Variants in GRIK2 observed in about 807,000 individuals in gnomAD.
GRIK2 encodes glutamate ionotropic receptor kainate type subunit 2, also known as glutamate receptor ionotropic, kainate 2.
GRIK2 carries 32 observed loss-of-function variants against 100.3 expected under a neutral mutation model. That is an observed-to-expected ratio of 0.32 (90% CI 0.24 to 0.43). The LOEUF is 0.43. GRIK2 is among the 20% of genes least tolerant of loss of function. The pLI, the probability that GRIK2 is intolerant of heterozygous loss-of-function variation, is 1.00. For missense variants in GRIK2, 843 were observed against 1,114.9 expected (o/e 0.76, Z 3.47); for synonymous variants, 417 against 389.4 (o/e 1.07, Z -0.83).
At chr6:101,711,898 T>C (rs1003152582) in intron 7 of GRIK2, among the ~76,000 whole-genome samples, 10 of 151,834 alleles carry the variant, frequency 6.6e-5, no homozygotes, top group Admixed American at 2.6e-4. Flanking sequence ...TGTGGCATTA[T>C]ACGTGACATT....
intron 2 of GRIK2, among the ~76,000 whole-genome samples, chr6:101,493,346 A>T (rs889793975): frequency 1.3e-5 from 2 of 152,000 alleles, no homozygotes; most frequent in African/African-American, 4.8e-5. Flanking sequence ...TGACAAAAAA[A>T]TTTTAGGAGC....
chr6:101,520,527 A>G (rs1302948046), intron 2 of GRIK2, among the ~76,000 whole-genome samples: 1 of 152,084 alleles, frequency 6.6e-6, no homozygotes, highest in East Asian at 1.9e-4. Flanking sequence ...AAGACATATA[A>G]GGAATAGAGA....
chr6:101,958,253 T>TTG (rs1554292720), intron 14 of GRIK2, among the ~76,000 whole-genome samples: 28 of 139,538 alleles, frequency 2.0e-4, no homozygotes, highest in African/African-American at 3.1e-4. Flanking sequence ...TGCTACATAT[T>TTG]TGTGTGTGTG....
intron 11 of GRIK2, among the ~76,000 whole-genome samples, chr6:101,875,687 G>A (rs1351461901): frequency 6.6e-6 from 1 of 151,496 alleles, no homozygotes; most frequent in Non-Finnish European, 1.5e-5. Flanking sequence ...TCCATTAATT[G>A]GAAGTTATAA....
intron 14 of GRIK2, among the ~76,000 whole-genome samples, chr6:101,981,099 C>G (rs1350055774): frequency 6.6e-6 from 1 of 151,686 alleles, no homozygotes; most frequent in Non-Finnish European, 1.5e-5. Flanking sequence ...GTTCCATTAA[C>G]CACATTAGCT....
chr6:101,617,996 CGT>C (rs889789418), intron 2 of GRIK2, among the ~76,000 whole-genome samples: 17 of 151,188 alleles, frequency 1.1e-4, no homozygotes, highest in African/African-American at 4.1e-4. Context: ...CACATATACA[CGT>C]GTGTGTGTCT....
At chr6:101,654,690 CT>C (rs1250831877) in intron 4 of GRIK2, among the ~76,000 whole-genome samples, 1 of 152,126 alleles carries the variant, frequency 6.6e-6, no homozygotes, top group Non-Finnish European at 1.5e-5. Context: ...CCAACTTACA[CT>C]TCACCCGTGT....
chr6:101,945,884 G>A (rs1285355136), intron 14 of GRIK2, among the ~76,000 whole-genome samples: 2 of 147,084 alleles, frequency 1.4e-5, no homozygotes, highest in African/African-American at 5.0e-5. Flanking sequence ...AGAGCATTCT[G>A]GTAGATAATA....
At chr6:101,555,477 A>C (rs1260858012) in intron 2 of GRIK2, among the ~76,000 whole-genome samples, 1 of 152,182 alleles carries the variant, frequency 6.6e-6, no homozygotes, top group African/African-American at 2.4e-5. Context: ...AAACATGTAG[A>C]TATTTCAGAC....
At chr6:101,724,809 T>C (rs1169943586) in intron 7 of GRIK2, among the ~76,000 whole-genome samples, 2 of 151,970 alleles carry the variant, frequency 1.3e-5, no homozygotes, top group Admixed American at 6.6e-5. Context: ...ATAAGTGATA[T>C]GCCTGAAAAA....
At chr6:101,412,820 C>A (rs184860765) in intron 2 of GRIK2, among the ~76,000 whole-genome samples, 1 of 151,966 alleles carries the variant, frequency 6.6e-6, no homozygotes, top group African/African-American at 2.4e-5. Flanking sequence ...GATTACTATA[C>A]CTTTGACCTT....
At chr6:101,408,546 AGATTCAGTGTTTCATTTTGAACCCAAAGG>A (rs1386423251) in intron 2 of GRIK2, among the ~76,000 whole-genome samples, 2 of 152,102 alleles carry the variant, frequency 1.3e-5, no homozygotes, top group Non-Finnish European at 2.9e-5. Flanking sequence ...AGGTCCAGGA[AGATTCAGTGTTTCATTTTGAACCCAAAGG>A]CATGAAGAAA....
At chr6:101,468,590 G>A (rs1030095310) in intron 2 of GRIK2, among the ~76,000 whole-genome samples, 2 of 152,070 alleles carry the variant, frequency 1.3e-5, no homozygotes, top group African/African-American at 2.4e-5. Flanking sequence ...GTTGCCTCTT[G>A]TAGTTTTTAG....
chr6:101,977,087 G>A (rs1327297693), intron 14 of GRIK2, among the ~76,000 whole-genome samples: 1 of 151,870 alleles, frequency 6.6e-6, no homozygotes, highest in Non-Finnish European at 1.5e-5. Context: ...CAGGCAAGTA[G>A]GCAGTGACAG....
intron 2 of GRIK2, among the ~76,000 whole-genome samples, chr6:101,437,624 G>A (rs1005311562): frequency 1.3e-5 from 2 of 152,104 alleles, no homozygotes; most frequent in Admixed American, 6.6e-5. Context: ...ACCTTAGGGA[G>A]TGGGGGCAAT....
chr6:101,959,558 T>A (rs1044851273), intron 14 of GRIK2, among the ~76,000 whole-genome samples: 1 of 152,130 alleles, frequency 6.6e-6, no homozygotes, highest in Non-Finnish European at 1.5e-5. Flanking sequence ...TCCTTTGTAT[T>A]TTTTTGTTGT....
At position 101,616,586 on chromosome 6, in the gene GRIK2, C is replaced by T. The variant is rs1215143866; in HGVS notation, c.116-5363C>T. ...ATTGTATACTTAGAAAATTTTGAAT[C>T]ATTGTGTTCTTATAAATAAAGAAGT... On this transcript the variant is annotated intron_variant, in intron 2 of 16. Transcript: ENST00000369134. 2.0e-5 allele frequency among the ~76,000 whole-genome samples: 3 copies of T among 151,640 alleles called. No individual in the cohort carries two copies. In the East Asian group the frequency reaches 5.8e-4, roughly 29 times the overall value.
At chr6:101,942,955 G>T (rs1791047588) in intron 14 of GRIK2, among the ~76,000 whole-genome samples, 1 of 152,322 alleles carries the variant, frequency 6.6e-6, no homozygotes, top group African/African-American at 2.4e-5. Flanking sequence ...TAAGGAAAAT[G>T]TCTCCAAGGC....
At chr6:101,533,174 C>T (rs1775525230) in intron 2 of GRIK2, among the ~76,000 whole-genome samples, 1 of 151,804 alleles carries the variant, frequency 6.6e-6, no homozygotes. Context: ...TTTTTAAATA[C>T]CATGATAAGC....
Sources: allele counts gnomAD v4.1 joint callset (sites outside exome capture counted in the v4.1 genomes callset), GRCh38; gene constraint gnomAD v4.1.1; transcripts MANE v1.5; gene names NCBI Gene and HGNC (gene_info 2026-07-23, HGNC 2026-07-21).